CPA6: variants seen among roughly 807,000 people sequenced by gnomAD.
CPA6 encodes the protein carboxypeptidase B.
CPA6 carries 58 observed loss-of-function variants against 63.3 expected under a neutral mutation model. The observed-to-expected ratio is 0.92, with a 90% CI of 0.74 to 1.14. The LOEUF is 1.14. CPA6 is among the 50% of genes most tolerant of loss of function. The pLI is 0.00. For missense variants in CPA6, 565 were observed against 526.6 expected (o/e 1.07, Z -0.71); for synonymous variants, 185 against 179.0 (o/e 1.03, Z -0.27).
chr8:67,575,366 C>A (rs1278768733), intron 2 of CPA6, among the ~76,000 whole-genome samples: 1 of 152,142 alleles, frequency 6.6e-6, no homozygotes, highest in Non-Finnish European at 1.5e-5. Context: ...ACCATATGAT[C>A]CAGCAATGCC....
intron 1 of CPA6, among the ~76,000 whole-genome samples, chr8:67,641,757 C>G (rs1418959560): frequency 6.6e-6 from 1 of 151,540 alleles, no homozygotes; most frequent in Non-Finnish European, 1.5e-5. Flanking sequence ...ACTAGTGGAA[C>G]TGGAAAGAAG....
intron 6 of CPA6, among the ~76,000 whole-genome samples, chr8:67,488,523 CT>C (rs1404455721): frequency 6.6e-6 from 1 of 152,136 alleles, no homozygotes; most frequent in Non-Finnish European, 1.5e-5. Flanking sequence ...TTAGGATTGT[CT>C]TGGCAACGTG....
At chr8:67,627,042 A>G (rs561889256) in intron 1 of CPA6, among the ~76,000 whole-genome samples, 73 of 152,286 alleles carry the variant, frequency 4.8e-4, no homozygotes, top group African/African-American at 1.7e-3. Flanking sequence ...AGCCTTTAGA[A>G]ATTCTCAGGT....
At chr8:67,577,083 G>A (rs1400702679) in intron 2 of CPA6, among the ~76,000 whole-genome samples, 5 of 152,054 alleles carry the variant, frequency 3.3e-5, no homozygotes, top group Non-Finnish European at 5.9e-5. Flanking sequence ...TCGAACTCCT[G>A]GCCTCAAGTG....
chr8:67,468,558 C>T lies in CPA6; in HGVS notation c.838+15210G>A, dbSNP rs974105938. 4.1e-5 allele frequency among the ~76,000 whole-genome samples: 6 copies of T among 145,020 alleles called. No individual in the cohort carries two copies. The East Asian group carries it at 7.8e-4, about 19-fold the overall frequency. On this transcript the variant is annotated intron_variant, in intron 8 of 10. Coordinates refer to ENST00000297770, the MANE Select transcript of CPA6 (RefSeq NM_020361.5). The stretch of plus-strand genomic sequence containing the variant: ...CCGAGATCGCGTCATTGCACCTGGG[C>T]GACAAGAGCGAGACTCTGTCTCAAA...
At chr8:67,519,916 T>C (rs1258160001) in intron 2 of CPA6, among the ~76,000 whole-genome samples, 1 of 152,144 alleles carries the variant, frequency 6.6e-6, no homozygotes, top group Non-Finnish European at 1.5e-5. Flanking sequence ...ATAGTTTCTT[T>C]TTCTATTTTT....
At chr8:67,677,193 A>G (rs922969822) in intron 1 of CPA6, among the ~76,000 whole-genome samples, 3 of 152,194 alleles carry the variant, frequency 2.0e-5, no homozygotes, top group Admixed American at 1.3e-4. Flanking sequence ...AGGTATTTAT[A>G]TACTGTTTCT....
intron 8 of CPA6, among the ~76,000 whole-genome samples, chr8:67,475,823 T>TTTCTTTCTCTTTTC (rs1554666526): frequency 4.4e-5 from 2 of 45,966 alleles, no homozygotes; most frequent in Non-Finnish European, 8.2e-5. Flanking sequence ...CTTTCCTTTC[T>TTTCTTTCTCTTTTC]TTTCTTTCTT....
intron 2 of CPA6, among the ~76,000 whole-genome samples, chr8:67,607,914 A>T (rs934898858): frequency 1.3e-5 from 2 of 152,154 alleles, no homozygotes; most frequent in Non-Finnish European, 2.9e-5. Context: ...AATATAAGAG[A>T]CATTTATTTC....
chr8:67,486,608 G>A (rs767262679), intron 6 of CPA6, among the ~76,000 whole-genome samples: 10 of 152,052 alleles, frequency 6.6e-5, no homozygotes, highest in South Asian at 2.1e-4. Flanking sequence ...ATTTTCTTTC[G>A]TATTTTGTCC....
chr8:67,599,675 C>T (rs1490331721), intron 2 of CPA6, among the ~76,000 whole-genome samples: 1 of 152,128 alleles, frequency 6.6e-6, no homozygotes, highest in Non-Finnish European at 1.5e-5. Flanking sequence ...GAAACTGTCC[C>T]ATTTGAAGTA....
Position 67,468,581 on chromosome 8 carries a change from A to AAAAATAAAATAAAAT in CPA6, c.838+15172_838+15186dup, listed in dbSNP as rs55739926. Among the ~76,000 whole-genome samples, 403 of 138,710 alleles carry AAAAATAAAATAAAAT rather than the reference A, an allele frequency of 2.9e-3. 2 individuals are homozygous for AAAAATAAAATAAAAT. Among genetic ancestry groups the AAAAATAAAATAAAAT allele is most frequent in the African/African-American group, 6.8e-3 (248 of 36,426 alleles). 91.0% of individuals were successfully genotyped at this position (138,710 alleles called of 152,430 possible). A position where few individuals can be genotyped will look rare whatever the true frequency, so the allele number is the denominator to read the frequency against. On this transcript the variant is annotated intron_variant, in intron 8 of 10. Transcript: ENST00000297770. ...GGCGACAAGAGCGAGACTCTGTCTC[A>AAAAATAAAATAAAAT]AAAATAAAATAAAATAAAATAAAAT...
rs369118405 is a variant in CPA6 at position 67,499,549 on chromosome 8, C to T, written c.636+7238G>A. 4.6e-4 allele frequency among the ~76,000 whole-genome samples: 70 copies of T among 152,220 alleles called. 1 individual carries two copies. The highest frequency in any genetic ancestry group is 3.4e-3 in the Middle Eastern group (1 of 294). ...CTTGCCAAACTGTAGTATAATATTACCATTAGGGTATTGGCATCGATATGG... is the reference window on the plus strand; with the variant it reads ...CTTGCCAAACTGTAGTATAATATTATCATTAGGGTATTGGCATCGATATGG... On this transcript the variant is annotated intron_variant, in intron 6 of 10. Transcript: ENST00000297770.
At chr8:67,687,869 CAA>C (rs1816738347) in intron 1 of CPA6, among the ~76,000 whole-genome samples, 1 of 152,122 alleles carries the variant, frequency 6.6e-6, no homozygotes, top group Admixed American at 6.5e-5. Context: ...AAGCACGATT[CAA>C]ATGCAAGGTT....
intron 1 of CPA6, among the ~76,000 whole-genome samples, chr8:67,656,504 C>T (rs1815988043): frequency 6.6e-6 from 1 of 152,170 alleles, no homozygotes. Flanking sequence ...TCAGAGGACT[C>T]TTGGTGATGT....
At chr8:67,483,539 C>G (rs970828156) in intron 8 of CPA6, 2 of 556,216 alleles carry the variant, frequency 3.6e-6, no homozygotes, top group Non-Finnish European at 3.2e-6. Flanking sequence ...TTTCAGTTTT[C>G]AGGACCGAAT....
In CPA6 at chr8:67,637,934, C is replaced by A. The variant is rs144266344; in HGVS notation, c.117-13683G>T. 3.9e-3 allele frequency among the ~76,000 whole-genome samples: 590 copies of A among 151,112 alleles called. 31 individuals carry two copies. Among genetic ancestry groups the A allele is most frequent in the African/African-American group, 0.013 (547 of 40,606 alleles). On this transcript the variant is annotated intron_variant, in intron 1 of 10. Coordinates refer to ENST00000297770, the MANE Select transcript of CPA6 (RefSeq NM_020361.5). ...CCAGCATAATTTGTTGGGCTCAATA[C>A]CCTGAAATATCCTTCCAGAAGAAAG...
At chr8:67,651,045 G>T (rs1033350288) in intron 1 of CPA6, among the ~76,000 whole-genome samples, 3 of 152,112 alleles carry the variant, frequency 2.0e-5, no homozygotes, top group Non-Finnish European at 2.9e-5. Context: ...AGAAGCCAAA[G>T]AATCAAAGAA....
intron 1 of CPA6, among the ~76,000 whole-genome samples, chr8:67,718,114 C>T (rs1817417930): frequency 6.6e-6 from 1 of 152,224 alleles, no homozygotes; most frequent in South Asian, 2.1e-4. Flanking sequence ...AGCCAGCCTA[C>T]CTTGGTTCAT....
Sources: gnomAD v4.1 joint callset for allele counts (sites outside exome capture counted in the v4.1 genomes callset) on GRCh38, gnomAD v4.1.1 for gene constraint, MANE v1.5 for transcripts, NCBI Gene and HGNC (gene_info 2026-07-23, HGNC 2026-07-21) for gene names.